The following SLC25A30 variants were observed in gnomAD, a reference collection of about 807,000 sequenced individuals.
The protein encoded by SLC25A30 is solute carrier family 25 member 30, also known as kidney mitochondrial carrier protein 1.
A neutral mutation model predicts 42.7 loss-of-function variants in SLC25A30; 29 were observed. That is an observed-to-expected ratio of 0.68 (90% CI 0.51 to 0.93). The LOEUF is 0.93. Among genes scored for constraint, SLC25A30 ranks in the 40% least tolerant of loss-of-function variants. SLC25A30 has a pLI of 0.00. For synonymous variants in SLC25A30, 124 were observed against 131.0 expected, an observed-to-expected ratio of 0.95 and a Z score of 0.37; for missense variants, 300 against 359.7, an observed-to-expected ratio of 0.83 and a Z score of 1.34.
In SLC25A30 at chr13:45,395,445, A is replaced by G; in HGVS notation, c.*529T>C. On this transcript the variant is annotated 3_prime_UTR_variant, in exon 10 of 10. Coordinates refer to ENST00000519676, the MANE Select transcript of SLC25A30 (RefSeq NM_001010875.4). ...AATGATAAAGCAGTGTGATATTCCT[A>G]GGATCCATTTCCTGCACCGTTTATA... The G allele has an allele frequency of 1.0e-6, 1 of 988,612 alleles. No homozygotes were observed. The highest frequency in any genetic ancestry group is 1.7e-5 in the African/African-American group (1 of 57,424). The allele number at this position is 988,612 out of a possible 1,614,324, so 61.2% of individuals were successfully genotyped here.
the SLC25A30 span, among the ~76,000 whole-genome samples, chr13:45,425,608 A>ATATATATAAG: frequency 3.1e-5 from 2 of 64,110 alleles, no homozygotes; most frequent in African/African-American, 1.5e-4. Context: ...ATATATATAT[A>ATATATATAAG]CATATATAAA....
chr13:45,401,246 G>A (rs751288911), intron 6 of SLC25A30, 39 bp from the exon 7 acceptor site: 8 of 1,606,104 alleles, frequency 5.0e-6, no homozygotes, highest in Non-Finnish European at 6.8e-6. Flanking sequence ...ATTCTGATAT[G>A]CCTCTGTAGA....
upstream of SLC25A30, among the ~76,000 whole-genome samples, chr13:45,422,696 G>A (rs1417076316): frequency 6.6e-6 from 1 of 152,154 alleles, no homozygotes; most frequent in African/African-American, 2.4e-5. Context: ...TTATAGGAAT[G>A]TTGCTTTGGG....
At chr13:45,401,605 T>C (rs1328158163) in intron 6 of SLC25A30, among the ~76,000 whole-genome samples, 1 of 151,234 alleles carries the variant, frequency 6.6e-6, no homozygotes, top group African/African-American at 2.4e-5. Flanking sequence ...TTACAAGCCA[T>C]GAAATTGTAT....
chr13:45,425,154 TG>T, the SLC25A30 span, among the ~76,000 whole-genome samples: 6 of 78,692 alleles, frequency 7.6e-5, no homozygotes, highest in African/African-American at 3.0e-4. Context: ...ATAAATATAT[TG>T]ATAAATATAT....
chr13:45,402,515 A>G (rs1882093890), intron 5 of SLC25A30, 145 bp from the exon 6 acceptor site: 2 of 687,722 alleles, frequency 2.9e-6, no homozygotes, highest in Non-Finnish European at 4.9e-6. Flanking sequence ...TACTGCTATG[A>G]TGCTACCTTA....
chr13:45,424,587 A>G, the SLC25A30 span, among the ~76,000 whole-genome samples: 2 of 57,668 alleles, frequency 3.5e-5, 1 homozygote, highest in Non-Finnish European at 6.3e-5. Context: ...AAATATATAT[A>G]AATATATATA....
In SLC25A30 at chr13:45,395,064, T is replaced by C. The variant is rs1881210600; in HGVS notation, c.*910A>G. ...ATGCCCCTCTTCTACATAGACTGTT[T>C]AGAGCTGTTCCACAGCATGATGTAA... On this transcript the variant is annotated 3_prime_UTR_variant, in exon 10 of 10. Transcript: ENST00000519676. 1.0e-5 allele frequency: 10 copies of C among 985,468 alleles called. No homozygotes were observed. The South Asian group carries it at 4.7e-4, about 46-fold the overall frequency. The allele number at this position is 985,468 out of a possible 1,614,324, so 61.0% of individuals were successfully genotyped here.
intron 1 of SLC25A30, among the ~76,000 whole-genome samples, chr13:45,413,516 G>T (rs888674416): frequency 6.6e-6 from 1 of 151,218 alleles, no homozygotes; most frequent in African/African-American, 2.4e-5. Flanking sequence ...GAGCCTAGGA[G>T]TTCAAGACCA....
At chr13:45,431,947 C>A in the SLC25A30 span, among the ~76,000 whole-genome samples, 1 of 151,850 alleles carries the variant, frequency 6.6e-6, no homozygotes, top group African/African-American at 2.4e-5. Flanking sequence ...CAATATCCAC[C>A]CCATATGTCC....
At chr13:45,411,946 A>C (rs1883064835) in intron 1 of SLC25A30, 1 of 78,838 alleles carries the variant, frequency 1.3e-5, no homozygotes, top group South Asian at 3.7e-4. Context: ...ACCCTGTGTC[A>C]AAAAAAAAAA....
In SLC25A30 at chr13:45,401,105, C is replaced by T; in HGVS notation, c.592G>A (p.Asp198Asn). Residue 198 changes from aspartate (D) to asparagine (N), a missense_variant, in exon 7 of 10, where the codon GAC becomes AAC. Asp to Asn is a conservative substitution (Grantham distance 23). Coordinates refer to ENST00000519676, the MANE Select transcript of SLC25A30 (RefSeq NM_001010875.4). Reference protein sequence around the residue: ...KHLILSGLMGDTVYTHFLSSF... With the variant: ...KHLILSGLMGNTVYTHFLSSF... ...TACAGGAAGTGGGTATACACAGTGT[C>T]TCCCATCAGGCCTGAGAGAATAAGA... The T allele has an allele frequency of 6.2e-7, 1 of 1,613,692 alleles. No homozygotes were observed. The highest frequency in any genetic ancestry group is 2.2e-5 in the East Asian group (1 of 44,880).
At chr13:45,423,601 ATAT>A in the SLC25A30 span, among the ~76,000 whole-genome samples, 1 of 107,958 alleles carries the variant, frequency 9.3e-6, no homozygotes, top group African/African-American at 3.8e-5. Flanking sequence ...ATATATATAT[ATAT>A]AAATATATAT....
the SLC25A30 span, among the ~76,000 whole-genome samples, chr13:45,423,578 A>T: frequency 7.6e-5 from 6 of 79,062 alleles, 1 homozygote; most frequent in South Asian, 7.1e-4. Flanking sequence ...AATATATATA[A>T]AAATATATAT....
chr13:45,402,280 A>G lies in SLC25A30; in HGVS notation c.484T>C (p.Trp162Arg). Residue 162 changes from tryptophan to arginine, a missense_variant, in exon 6 of 10, where the codon TGG becomes CGG. Physicochemically the swap from Trp to Arg is moderately radical, Grantham distance 101. Transcript: ENST00000519676. ...GATCCATCCTTCTGGCTTACCTTCC[A>G]CAGTCCTCTTGTCCCCTCTTGCTGG... Reference protein sequence around the residue: ...IYQQEGTRGLWKGVSLTAQRA... With the variant: ...IYQQEGTRGLRKGVSLTAQRA... The G allele has an allele frequency of 1.2e-6, 2 of 1,612,524 alleles. No homozygotes were observed. Among genetic ancestry groups the G allele is most frequent in the Non-Finnish European group, 8.5e-7 (1 of 1,178,604 alleles).
upstream of SLC25A30, among the ~76,000 whole-genome samples, chr13:45,419,794 G>A (rs1364399623): frequency 1.3e-5 from 2 of 151,516 alleles, no homozygotes; most frequent in East Asian, 2.0e-4. Context: ...GCCGGACGTG[G>A]TGATGGACAC....
chr13:45,426,366 T>G, the SLC25A30 span, among the ~76,000 whole-genome samples: 1 of 152,182 alleles, frequency 6.6e-6, no homozygotes, highest in South Asian at 2.1e-4. Flanking sequence ...ATTACAGGCA[T>G]GAGCCACCGC....
At chr13:45,424,837 TA>T in the SLC25A30 span, among the ~76,000 whole-genome samples, 3 of 50,772 alleles carry the variant, frequency 5.9e-5, no homozygotes, top group East Asian at 4.8e-4. Flanking sequence ...AATATATATA[TA>T]AAAATATATA....
chr13:45,423,959 A>C, the SLC25A30 span, among the ~76,000 whole-genome samples: 63 of 86,444 alleles, frequency 7.3e-4, 2 homozygotes, highest in Non-Finnish European at 1.1e-3. Context: ...ATATATGAAT[A>C]TATATAAACA....
Sources: gnomAD v4.1 joint callset for allele counts (sites outside exome capture counted in the v4.1 genomes callset) on GRCh38, gnomAD v4.1.1 for gene constraint, MANE v1.5 for transcripts, NCBI Gene and HGNC (gene_info 2026-07-23, HGNC 2026-07-21) for gene names.